AGAP1: variants seen among roughly 807,000 people sequenced by gnomAD.
AGAP1 encodes the protein ArfGAP with GTPase domain, ankyrin repeat and PH domain 1.
In AGAP1, 29 loss-of-function variants were observed where a neutral mutation model predicts 105.3. That is an observed-to-expected ratio of 0.28 (90% CI 0.21 to 0.38). The LOEUF is 0.38. Among genes scored for constraint, AGAP1 ranks in the 10% least tolerant of loss-of-function variants. The pLI is 1.00. For missense variants in AGAP1, 998 were observed against 1,165.1 expected, an observed-to-expected ratio of 0.86 and a Z score of 2.09; for synonymous variants, 509 against 485.9, an observed-to-expected ratio of 1.05 and a Z score of -0.63.
intron 1 of AGAP1, among the ~76,000 whole-genome samples, chr2:235,616,357 C>A (rs1215360434): frequency 6.8e-6 from 1 of 146,556 alleles, no homozygotes; most frequent in Non-Finnish European, 1.5e-5. Context: ...GAGACTCCAT[C>A]TCAAAAAAAA....
chr2:235,743,114 C>T (rs188653252), intron 4 of AGAP1, among the ~76,000 whole-genome samples: 1 of 152,350 alleles, frequency 6.6e-6, no homozygotes, highest in Admixed American at 6.5e-5. Context: ...TTGCAGTGAG[C>T]TGAGATCTCA....
At chr2:235,952,478 C>G (rs2053778725) in intron 12 of AGAP1, among the ~76,000 whole-genome samples, 1 of 152,166 alleles carries the variant, frequency 6.6e-6, no homozygotes, top group Admixed American at 6.5e-5. Context: ...GTGCCCCAGG[C>G]AGCTCATGAT....
chr2:235,912,123 A>G (rs1308997397), intron 11 of AGAP1, among the ~76,000 whole-genome samples: 1 of 152,262 alleles, frequency 6.6e-6, no homozygotes, highest in East Asian at 1.9e-4. Context: ...AAGAGGAAGC[A>G]GCTTCATTAA....
chr2:235,800,899 T>TA (rs1957465024), intron 8 of AGAP1, among the ~76,000 whole-genome samples: 1 of 152,210 alleles, frequency 6.6e-6, no homozygotes, highest in Non-Finnish European at 1.5e-5. Flanking sequence ...TTTTGGTTGA[T>TA]TACTGCTGAC....
rs990595865 is a variant in AGAP1 at position 235,599,744 on chromosome 2, C to T, written c.163+104895C>T. Among the ~76,000 whole-genome samples, 1 of 152,174 alleles carries T rather than the reference C, an allele frequency of 6.6e-6. No individual in the cohort carries two copies. The highest frequency in any genetic ancestry group is 1.5e-5 in the Non-Finnish European group (1 of 68,026). On this transcript the variant is annotated intron_variant, in intron 1 of 17. Coordinates refer to ENST00000304032, the MANE Select transcript of AGAP1 (RefSeq NM_001037131.3). This position sits in a 1 kb window ranked among gnomAD's most constrained non-coding sequence, Gnocchi z 5.3. ...GGTCCCACGTGATTCTACCTGATCG[C>T]TGGCTCTCTAGGGCTTTTCCCCTCC...
chr2:235,726,616 C>T (rs904029803), intron 3 of AGAP1, among the ~76,000 whole-genome samples: 1 of 152,172 alleles, frequency 6.6e-6, no homozygotes, highest in South Asian at 2.1e-4. Flanking sequence ...GCCTTGATCA[C>T]GCCATCTCTC....
intron 1 of AGAP1, among the ~76,000 whole-genome samples, chr2:235,572,192 C>A (rs922879483): frequency 6.6e-6 from 1 of 151,600 alleles, no homozygotes; most frequent in African/African-American, 2.4e-5. Flanking sequence ...ACTGAGAGCC[C>A]TTGAGGGTGG....
intron 1 of AGAP1, among the ~76,000 whole-genome samples, chr2:235,702,934 G>GTGTTTTTTTTTT (rs1553609552): frequency 1.1e-5 from 1 of 88,946 alleles, no homozygotes; most frequent in African/African-American, 3.7e-5. Context: ...AGTTTTCTTG[G>GTGTTTTTTTTTT]TTTTTTTTTT....
rs150239527 is a variant in AGAP1 at position 235,810,782 on chromosome 2, T to C, written c.1050+3451T>C. ...TTGTGGACCTGGGTCTACTTCTCCT[T>C]TGGTGTCCTTTCTGGGGTCTTGGAG... On this transcript the variant is annotated intron_variant, in intron 9 of 17. Transcript: ENST00000304032. Among the ~76,000 whole-genome samples, 428 of 152,220 alleles carry C rather than the reference T, an allele frequency of 2.8e-3. 2 individuals carry two copies. The highest frequency in any genetic ancestry group is 0.02 in the East Asian group (102 of 5,186).
intron 13 of AGAP1, among the ~76,000 whole-genome samples, chr2:235,972,462 G>A (rs2054689203): frequency 6.6e-6 from 1 of 152,240 alleles, no homozygotes; most frequent in Non-Finnish European, 1.5e-5. Context: ...GGGCCTGTCT[G>A]CAGAGATGCG....
In AGAP1 at chr2:235,971,108, G is replaced by T. The variant is rs1243477309; in HGVS notation, c.1645+2485G>T. ...GGGAGCCACCTCACTCTCTAATTAG[G>T]AGAGTCTGGTCTCTACGTCAGCGGC... On this transcript the variant is annotated intron_variant, in intron 13 of 17. Transcript: ENST00000304032. This position sits in a 1 kb window ranked among gnomAD's most constrained non-coding sequence, Gnocchi z 4.8. 6.6e-6 allele frequency among the ~76,000 whole-genome samples: 1 copy of T among 152,174 alleles called. No homozygotes were observed. The highest frequency in any genetic ancestry group is 1.5e-5 in the Non-Finnish European group (1 of 68,038).
intron 6 of AGAP1, among the ~76,000 whole-genome samples, chr2:235,757,704 G>T (rs1413517366): frequency 6.6e-6 from 1 of 152,168 alleles, no homozygotes; most frequent in African/African-American, 2.4e-5. Flanking sequence ...TTTTACCAAG[G>T]TTGTGCGGGA....
intron 16 of AGAP1, among the ~76,000 whole-genome samples, chr2:236,059,351 C>CATCA (rs1199574285): frequency 2.6e-5 from 4 of 152,140 alleles, no homozygotes; most frequent in Admixed American, 2.0e-4. Flanking sequence ...AATGAAAAGA[C>CATCA]ATCATGTTCA....
At chr2:235,833,255 C>T (rs1453737508) in intron 9 of AGAP1, among the ~76,000 whole-genome samples, 3 of 152,098 alleles carry the variant, frequency 2.0e-5, no homozygotes, top group Non-Finnish European at 1.5e-5. Context: ...CAGAGGCTGG[C>T]GTAGGCACGG....
At position 235,930,479 on chromosome 2, in the gene AGAP1, G is replaced by A. The variant is rs542244091; in HGVS notation, c.1325-286G>A. Among the ~76,000 whole-genome samples, 8 of 152,184 alleles carry A rather than the reference G, an allele frequency of 5.3e-5. No homozygotes were observed. The highest frequency in any genetic ancestry group is 9.7e-5 in the African/African-American group (4 of 41,444). On this transcript the variant is annotated intron_variant, in intron 11 of 17. Coordinates refer to ENST00000304032, the MANE Select transcript of AGAP1 (RefSeq NM_001037131.3). The surrounding 1 kb of genome is among the most constrained non-coding windows in gnomAD (Gnocchi z 7.9). Reference sequence around the variant, plus strand: ...TGTCTTCACTTCCACTCGATGTTGCGGTTGCGGTTGGGTTGCGTCTTTGTA... The same window carrying A: ...TGTCTTCACTTCCACTCGATGTTGCAGTTGCGGTTGGGTTGCGTCTTTGTA...
intron 1 of AGAP1, among the ~76,000 whole-genome samples, chr2:235,568,719 TAA>T (rs1193683644): frequency 2.6e-5 from 4 of 152,218 alleles, no homozygotes; most frequent in Non-Finnish European, 5.9e-5. Flanking sequence ...CAGAAGTCCT[TAA>T]ATGCATCCAC....
In AGAP1 at chr2:235,578,244, G is replaced by T. The variant is rs991312638; in HGVS notation, c.163+83395G>T. Among the ~76,000 whole-genome samples, 1 of 152,062 alleles carries T rather than the reference G, an allele frequency of 6.6e-6. No homozygotes were observed. Among genetic ancestry groups the T allele is most frequent in the African/African-American group, 2.4e-5 (1 of 41,384 alleles). ...AGCCAGCCTGAGCTCCACGGTGCCC[G>T]TCTCCTACCTGCACTGTGCCCCCAC... On this transcript the variant is annotated intron_variant, in intron 1 of 17. Coordinates refer to ENST00000304032, the MANE Select transcript of AGAP1 (RefSeq NM_001037131.3). This position sits in a 1 kb window ranked among gnomAD's most constrained non-coding sequence, Gnocchi z 4.9.
At chr2:235,706,386 G>A (rs370694194) in intron 1 of AGAP1, among the ~76,000 whole-genome samples, 1 of 148,476 alleles carries the variant, frequency 6.7e-6, no homozygotes, top group Non-Finnish European at 1.5e-5. Flanking sequence ...CACCACGCCC[G>A]GCTAATTTTT....
intron 12 of AGAP1, among the ~76,000 whole-genome samples, chr2:235,968,173 A>C (rs1455202076): frequency 2.6e-5 from 4 of 152,214 alleles, no homozygotes; most frequent in Admixed American, 2.6e-4. Context: ...CCTTTTGCAG[A>C]GCTCCAGTCA....
Sources: gnomAD v4.1 joint callset for allele counts (sites outside exome capture counted in the v4.1 genomes callset) on GRCh38, gnomAD v4.1.1 for gene constraint, Gnocchi (gnomAD v3.1) non-coding constraint, MANE v1.5 for transcripts, NCBI Gene and HGNC (gene_info 2026-07-23, HGNC 2026-07-21) for gene names.